Variants in PCDH9 observed in about 807,000 individuals in gnomAD.
PCDH9 encodes the protein protocadherin-9.
PCDH9 carries 24 observed loss-of-function variants against 70.6 expected under a neutral mutation model. The observed-to-expected ratio is 0.34, with a 90% confidence interval of 0.25 to 0.48. The LOEUF is 0.48. Among genes scored for constraint, PCDH9 ranks in the 20% least tolerant of loss-of-function variants. The pLI is 0.99. For synonymous variants in PCDH9, 562 were observed against 558.5 expected (o/e 1.01, Z -0.09); for missense variants, 1,281 against 1,503.6 (o/e 0.85, Z 2.45).
intron 4 of PCDH9, among the ~76,000 whole-genome samples, chr13:66,429,638 CT>C (rs1388545139): frequency 2.0e-5 from 3 of 151,466 alleles, no homozygotes; most frequent in Non-Finnish European, 4.4e-5. Flanking sequence ...AACCGTGAAT[CT>C]AAGGGGAGGA....
intron 2 of PCDH9, among the ~76,000 whole-genome samples, chr13:67,168,180 CA>C (rs2088175304): frequency 6.6e-6 from 1 of 152,152 alleles, no homozygotes; most frequent in Non-Finnish European, 1.5e-5. Flanking sequence ...CAAGTTGTGA[CA>C]AAACCTTTAT....
intron 3 of PCDH9, among the ~76,000 whole-genome samples, chr13:66,879,180 T>C (rs1007511101): frequency 1.3e-5 from 2 of 152,142 alleles, no homozygotes; most frequent in Non-Finnish European, 2.9e-5. Context: ...AAATAAAAAA[T>C]CTATATATAT....
intron 2 of PCDH9, among the ~76,000 whole-genome samples, chr13:67,160,344 G>A (rs997244798): frequency 2.0e-5 from 3 of 152,174 alleles, no homozygotes; most frequent in Non-Finnish European, 4.4e-5. Flanking sequence ...AGGAGATAGA[G>A]ACCATCCTGG....
chr13:66,647,150 T>C (rs891659848), intron 3 of PCDH9, among the ~76,000 whole-genome samples: 2 of 152,056 alleles, frequency 1.3e-5, no homozygotes, highest in African/African-American at 4.8e-5. Flanking sequence ...CAAATTCTGA[T>C]GCTATTCTGG....
chr13:67,037,903 T>C (rs1767894182), intron 2 of PCDH9, among the ~76,000 whole-genome samples: 2 of 152,172 alleles, frequency 1.3e-5, no homozygotes, highest in Non-Finnish European at 2.9e-5. Flanking sequence ...AGTCATTTAT[T>C]TACTCTATAA....
At chr13:67,174,306 G>GATACATAC (rs768285646) in intron 2 of PCDH9, among the ~76,000 whole-genome samples, 74 of 142,494 alleles carry the variant, frequency 5.2e-4, no homozygotes, top group African/African-American at 9.3e-4. Flanking sequence ...TAGATAGATA[G>GATACATAC]ATAGATAGAT....
chr13:66,980,730 G>GTTTTTTT lies in PCDH9; in HGVS notation c.3037-77132_3037-77126dup. Among the ~76,000 whole-genome samples, 147 of 70,856 alleles carry GTTTTTTT rather than the reference G, an allele frequency of 2.1e-3. 8 individuals carry two copies. Among genetic ancestry groups the GTTTTTTT allele is most frequent in the Non-Finnish European group, 3.1e-3 (116 of 37,592 alleles). 46.5% of individuals were successfully genotyped at this position (70,856 alleles called of 152,430 possible). Reference sequence around the variant, plus strand: ...TTTGTTTTTTCCTGTTTTTTTCTTTGTTTTTTTTTTTGTTTTTTTTTTTAC... The same window carrying GTTTTTTT: ...TTTGTTTTTTCCTGTTTTTTTCTTTGTTTTTTTTTTTTTTTTTTGTTTTTTTTTTTAC... On this transcript the variant is annotated intron_variant, in intron 2 of 4. Transcript: ENST00000377865.
intron 4 of PCDH9, among the ~76,000 whole-genome samples, chr13:66,587,842 C>G (rs913379718): frequency 1.4e-4 from 20 of 147,010 alleles, no homozygotes; most frequent in African/African-American, 4.8e-4. Flanking sequence ...ATTCATGAAA[C>G]AAACTTTCAA....
At chr13:66,498,753 C>G (rs552987731) in intron 4 of PCDH9, among the ~76,000 whole-genome samples, 1 of 151,966 alleles carries the variant, frequency 6.6e-6, no homozygotes, top group Non-Finnish European at 1.5e-5. Context: ...TGTGGTATCC[C>G]GTATTAAGTG....
intron 3 of PCDH9, among the ~76,000 whole-genome samples, chr13:66,642,408 G>A (rs563917035): frequency 6.6e-6 from 1 of 152,084 alleles, no homozygotes; most frequent in East Asian, 1.9e-4. Context: ...TTCATTGAGT[G>A]TAGAATTCAT....
chr13:66,416,869 A>ATCCTTAT (rs1957469468), intron 4 of PCDH9, among the ~76,000 whole-genome samples: 1 of 152,180 alleles, frequency 6.6e-6, no homozygotes, highest in Non-Finnish European at 1.5e-5. Context: ...CATCCTGAGA[A>ATCCTTAT]AACGTCTTGA....
At chr13:66,377,008 A>G (rs536836475) in intron 4 of PCDH9, among the ~76,000 whole-genome samples, 2 of 152,334 alleles carry the variant, frequency 1.3e-5, no homozygotes, top group African/African-American at 4.8e-5. Flanking sequence ...TGCTGACAAC[A>G]CTAGAAACCG....
intron 2 of PCDH9, among the ~76,000 whole-genome samples, chr13:67,029,346 T>A (rs562609295): frequency 1.4e-3 from 208 of 152,316 alleles, no homozygotes; most frequent in Non-Finnish European, 2.2e-3. Context: ...CTTAACGCAG[T>A]CTTTGCAAGT....
chr13:66,538,141 T>A (rs1960785615), intron 4 of PCDH9, among the ~76,000 whole-genome samples: 1 of 152,162 alleles, frequency 6.6e-6, no homozygotes, highest in Non-Finnish European at 1.5e-5. Context: ...GTTTCACTTA[T>A]ATTTTCATTA....
intron 2 of PCDH9, among the ~76,000 whole-genome samples, chr13:67,080,899 C>A (rs561519186): frequency 6.6e-6 from 1 of 152,206 alleles, no homozygotes; most frequent in African/African-American, 2.4e-5. Flanking sequence ...TAAAAAAACA[C>A]ACTCATGAAA....
At chr13:66,535,572 T>C (rs1960662750) in intron 4 of PCDH9, among the ~76,000 whole-genome samples, 1 of 152,098 alleles carries the variant, frequency 6.6e-6, no homozygotes, top group Non-Finnish European at 1.5e-5. Context: ...ATATAAAGTA[T>C]CAATTTGTTT....
intron 4 of PCDH9, among the ~76,000 whole-genome samples, chr13:66,605,651 GC>G (rs957603510): frequency 6.6e-6 from 1 of 152,128 alleles, no homozygotes; most frequent in African/African-American, 2.4e-5. Context: ...AGCAGGACTG[GC>G]ACTCTGATGA....
At chr13:66,896,935 C>T (rs1594224948) in intron 3 of PCDH9, among the ~76,000 whole-genome samples, 3 of 152,176 alleles carry the variant, frequency 2.0e-5, no homozygotes, top group Non-Finnish European at 4.4e-5. Context: ...CACATCACTC[C>T]TGATCATTCA....
chr13:66,964,932 A>T (rs1264202062), intron 2 of PCDH9, among the ~76,000 whole-genome samples: 1 of 151,794 alleles, frequency 6.6e-6, no homozygotes, highest in East Asian at 1.9e-4. Context: ...AAACTATTAA[A>T]TATATATATA....
Sources: allele counts gnomAD v4.1 joint callset (sites outside exome capture counted in the v4.1 genomes callset), GRCh38; gene constraint gnomAD v4.1.1; transcripts MANE v1.5; gene names NCBI Gene and HGNC (gene_info 2026-07-23, HGNC 2026-07-21).